CDC14B: variants seen among roughly 807,000 people sequenced by gnomAD.
CDC14B encodes the protein dual specificity protein phosphatase CDC14B.
CDC14B carries 22 observed loss-of-function variants against 64.2 expected under a neutral mutation model. The ratio of observed to expected loss-of-function variants is 0.34; its 90% CI spans 0.24 to 0.49. CDC14B has a LOEUF of 0.49. Ranked by LOEUF, CDC14B falls within the 20% of genes least tolerant of loss-of-function variation. The pLI is 0.99. For synonymous variants in CDC14B, 191 were observed against 215.8 expected (o/e 0.89, Z 1.01); for missense variants, 498 against 629.9 (o/e 0.79, Z 2.24).
chr9:96,505,476 T>A (rs1273894162), intron 13 of CDC14B, among the ~76,000 whole-genome samples: 3 of 152,176 alleles, frequency 2.0e-5, no homozygotes, highest in Non-Finnish European at 4.4e-5. Flanking sequence ...CGTGAAGACA[T>A]GAGTGAATGC....
intron 1 of CDC14B, chr9:96,618,802 C>A (rs1438626168): frequency 8.7e-6 from 3 of 345,920 alleles, no homozygotes; most frequent in Non-Finnish European, 1.1e-5. Flanking sequence ...CTCGGGGAAT[C>A]CTCAGGGGCT....
At chr9:96,542,732 C>T (rs560513910) in intron 5 of CDC14B, among the ~76,000 whole-genome samples, 57 of 152,022 alleles carry the variant, frequency 3.7e-4, no homozygotes, top group Admixed American at 1.1e-3. Flanking sequence ...CGGCCTCTGC[C>T]GGGCGCAGTG....
intron 13 of CDC14B, 61 bp downstream of exon 13, chr9:96,509,612 A>G: frequency 9.9e-7 from 1 of 1,010,300 alleles, no homozygotes; most frequent in Non-Finnish European, 1.6e-6. Flanking sequence ...GGTAGGGTCC[A>G]AATATTAAAC....
At chr9:96,575,745 GA>G (rs763964200) in intron 1 of CDC14B, among the ~76,000 whole-genome samples, 1 of 152,168 alleles carries the variant, frequency 6.6e-6, no homozygotes, top group Non-Finnish European at 1.5e-5. Context: ...AGCATTTTGG[GA>G]GGCTAAGGCA....
Position 96,515,851 on chromosome 9 carries a change from C to G in CDC14B, c.1344-6062G>C. The G allele has an allele frequency of 6.8e-7, 1 of 1,469,262 alleles. No individual in the cohort carries two copies. Among genetic ancestry groups the G allele is most frequent in the South Asian group, 1.3e-5 (1 of 75,440 alleles). 91.0% of individuals were successfully genotyped at this position (1,469,262 alleles called of 1,614,324 possible). On this transcript the variant is annotated intron_variant, in intron 12 of 13. Transcript: ENST00000375241. This position sits in a 1 kb window ranked among gnomAD's most constrained non-coding sequence, Gnocchi z 4.3. ...CAAATTGGGAAGCCAAAATAAATTA[C>G]GCAATCATCAATCAATCAAGCCATA...
chr9:96,601,750 C>T (rs1416766717), intron 1 of CDC14B, among the ~76,000 whole-genome samples: 3 of 145,362 alleles, frequency 2.1e-5, no homozygotes, highest in Non-Finnish European at 4.5e-5. Flanking sequence ...GCTGAGGGCG[C>T]ACCACTGCAC....
intron 4 of CDC14B, among the ~76,000 whole-genome samples, chr9:96,558,519 C>T (rs1483674251): frequency 6.6e-6 from 1 of 152,184 alleles, no homozygotes; most frequent in African/African-American, 2.4e-5. Flanking sequence ...ACGTGCACGT[C>T]TTGTTTCTAG....
chr9:96,617,972 G>T (rs1303439779), intron 1 of CDC14B, among the ~76,000 whole-genome samples: 1 of 152,086 alleles, frequency 6.6e-6, no homozygotes, highest in African/African-American at 2.4e-5. Context: ...GTCTCAGCAG[G>T]CTTCACCTCC....
Position 96,500,164 on chromosome 9 carries a change from C to T in CDC14B, c.*3589G>A, listed in dbSNP as rs537453308. 19 of 152,676 alleles carry T rather than the reference C, an allele frequency of 1.2e-4. No individual in the cohort carries two copies. Among genetic ancestry groups the T allele is most frequent in the East Asian group, 9.6e-4 (5 of 5,188 alleles). The allele number at this position is 152,676 out of a possible 1,614,324, so 9.5% of individuals were successfully genotyped here. On this transcript the variant is annotated 3_prime_UTR_variant, in exon 14 of 14. Transcript: ENST00000375241. Reference sequence around the variant, plus strand: ...TTGTAATTATACAATTTCCACTATTCGATATTTTGTATAAAACCAGTTACA... The same window carrying T: ...TTGTAATTATACAATTTCCACTATTTGATATTTTGTATAAAACCAGTTACA...
At chr9:96,606,358 A>G (rs1371450823) in intron 1 of CDC14B, among the ~76,000 whole-genome samples, 3 of 148,926 alleles carry the variant, frequency 2.0e-5, no homozygotes, top group Non-Finnish European at 4.4e-5. Flanking sequence ...AAAAAAAAAA[A>G]GAATATTATT....
At chr9:96,568,698 C>A (rs538179618) in intron 1 of CDC14B, among the ~76,000 whole-genome samples, 1 of 152,254 alleles carries the variant, frequency 6.6e-6, no homozygotes, top group East Asian at 1.9e-4. Context: ...GATGGATCAT[C>A]TGAGGTCAGG....
At chr9:96,608,082 G>C (rs1228462556) in intron 1 of CDC14B, among the ~76,000 whole-genome samples, 3 of 152,196 alleles carry the variant, frequency 2.0e-5, no homozygotes, top group Non-Finnish European at 2.9e-5. Flanking sequence ...GGCGGCACCA[G>C]GTTGTACCTT....
At chr9:96,601,826 G>A (rs891923081) in intron 1 of CDC14B, among the ~76,000 whole-genome samples, 1 of 136,182 alleles carries the variant, frequency 7.3e-6, no homozygotes. Flanking sequence ...TTGGGAGGCC[G>A]AGGTGGGCTG....
intron 1 of CDC14B, among the ~76,000 whole-genome samples, chr9:96,570,712 T>C (rs1844414142): frequency 6.6e-6 from 1 of 152,228 alleles, no homozygotes; most frequent in Admixed American, 6.5e-5. Flanking sequence ...ATGACAATGA[T>C]AACCAACGAT....
At chr9:96,571,155 C>T (rs1178321634) in intron 1 of CDC14B, among the ~76,000 whole-genome samples, 1 of 151,598 alleles carries the variant, frequency 6.6e-6, no homozygotes, top group Non-Finnish European at 1.5e-5. Context: ...TGTCAGACAA[C>T]TATAAAATTA....
intron 1 of CDC14B, among the ~76,000 whole-genome samples, chr9:96,578,138 T>C (rs1018692360): frequency 3.3e-5 from 5 of 152,146 alleles, no homozygotes; most frequent in Admixed American, 3.3e-4. Flanking sequence ...AATAGTCAAA[T>C]AAAGAACAAT....
chr9:96,602,423 C>T lies in CDC14B; in HGVS notation c.160+16796G>A, dbSNP rs117282751. ...TACCACATATGTTAGTCCGTTTTCA[C>T]GCTGCTGATAAGGACATCCCCGAAA... On this transcript the variant is annotated intron_variant, in intron 1 of 13. Coordinates refer to ENST00000375241, the MANE Select transcript of CDC14B (RefSeq NM_033331.4). Among the ~76,000 whole-genome samples, 376 of 152,268 alleles carry T rather than the reference C, an allele frequency of 2.5e-3. 2 individuals carry two copies. Among genetic ancestry groups the T allele is most frequent in the Middle Eastern group, 0.017 (5 of 294 alleles).
chr9:96,614,133 C>T (rs56021201), intron 1 of CDC14B, among the ~76,000 whole-genome samples: 7 of 151,936 alleles, frequency 4.6e-5, no homozygotes, highest in Non-Finnish European at 8.8e-5. Context: ...GGCAGACACT[C>T]GAAAACTTGT....
chr9:96,554,930 G>T (rs1045530927), intron 4 of CDC14B, among the ~76,000 whole-genome samples: 1 of 152,158 alleles, frequency 6.6e-6, no homozygotes, highest in Admixed American at 6.5e-5. Context: ...TGCAACTTAT[G>T]ATCTATCACC....
Sources: gnomAD v4.1 joint callset for allele counts (sites outside exome capture counted in the v4.1 genomes callset) on GRCh38, gnomAD v4.1.1 for gene constraint, Gnocchi (gnomAD v3.1) non-coding constraint, MANE v1.5 for transcripts, NCBI Gene and HGNC (gene_info 2026-07-23, HGNC 2026-07-21) for gene names.